The following PCMTD1 variants were observed in gnomAD, a reference collection of about 807,000 sequenced individuals.
PCMTD1 encodes protein-L-isoaspartate (D-aspartate) O-methyltransferase domain containing 1.
A neutral mutation model predicts 37.6 loss-of-function variants in PCMTD1; 12 were observed. The ratio of observed to expected loss-of-function variants is 0.32; its 90% confidence interval spans 0.20 to 0.52. The LOEUF (loss-of-function observed/expected upper bound fraction) is 0.52. Ranked by LOEUF, PCMTD1 falls within the 20% of genes least tolerant of loss-of-function variation. The pLI is 0.97. For synonymous variants in PCMTD1, 117 were observed against 135.8 expected, an observed-to-expected ratio of 0.86 and a Z score of 0.96; for missense variants, 235 against 421.3, an observed-to-expected ratio of 0.56 and a Z score of 3.87.
intron 5 of PCMTD1, among the ~76,000 whole-genome samples, chr8:51,826,532 T>C (rs778460846): frequency 2.0e-5 from 3 of 152,140 alleles, no homozygotes; most frequent in South Asian, 4.1e-4. Flanking sequence ...AAAAATAAAA[T>C]AAACTTTTAC....
At chr8:51,899,119 GAA>G, upstream of PCMTD1, 6 of 1,425,502 alleles carry the variant, frequency 4.2e-6, no homozygotes, top group Non-Finnish European at 5.5e-6. Flanking sequence ...CATGCGCAGA[GAA>G]CCACGGGCAC....
At chr8:51,866,418 A>AT (rs1472370515) in intron 1 of PCMTD1, among the ~76,000 whole-genome samples, 2 of 152,058 alleles carry the variant, frequency 1.3e-5, no homozygotes, top group African/African-American at 2.4e-5. Context: ...TGGTACTGAC[A>AT]TAAAAACAGA....
intron 1 of PCMTD1, among the ~76,000 whole-genome samples, chr8:51,884,638 G>A (rs1402108242): frequency 2.0e-5 from 3 of 152,182 alleles, no homozygotes; most frequent in African/African-American, 4.8e-5. Flanking sequence ...TTTGTTTCCC[G>A]GCCTGGTGCA....
intron 1 of PCMTD1, among the ~76,000 whole-genome samples, chr8:51,862,523 G>A (rs566479394): frequency 9.8e-5 from 15 of 152,340 alleles, no homozygotes; most frequent in African/African-American, 3.6e-4. Context: ...GTAAGTTAAT[G>A]TATCAATTCC....
Position 51,853,074 on chromosome 8 carries a change from T to G in PCMTD1, c.308-7311A>C, listed in dbSNP as rs117589056. On this transcript the variant is annotated intron_variant, in intron 2 of 5. Coordinates refer to ENST00000522514, the MANE Select transcript of PCMTD1 (RefSeq NM_052937.4). ...TGAATCCTTTGCATGTGGATGTTAC[T>G]TGAAGAAAGACGAAAGATTCACCCT... Among the ~76,000 whole-genome samples the G allele has an allele frequency of 2.2e-3, 337 of 152,342 alleles. 7 individuals carry two copies. The East Asian group carries it at 0.039, about 17-fold the overall frequency.
chr8:51,899,093 G>C (rs878921092), upstream of PCMTD1: 1 of 1,477,622 alleles, frequency 6.8e-7, no homozygotes, highest in South Asian at 1.3e-5. Context: ...GGACTCCGGA[G>C]CCGCCGGGGT....
chr8:51,851,892 C>T (rs1423258850), intron 2 of PCMTD1, among the ~76,000 whole-genome samples: 2 of 152,080 alleles, frequency 1.3e-5, no homozygotes, highest in East Asian at 1.9e-4. Context: ...TCAGGTGATC[C>T]GCCCGCCTCA....
chr8:51,859,391 G>A (rs1228523582), intron 2 of PCMTD1, among the ~76,000 whole-genome samples: 3 of 152,122 alleles, frequency 2.0e-5, no homozygotes, highest in Non-Finnish European at 4.4e-5. Flanking sequence ...CCTGTCTCAG[G>A]ACAGGGAGGA....
intron 4 of PCMTD1, among the ~76,000 whole-genome samples, chr8:51,832,542 A>G (rs2038012507): frequency 6.6e-6 from 1 of 152,192 alleles, no homozygotes; most frequent in Admixed American, 6.5e-5. Flanking sequence ...CTACTATACA[A>G]CTACAAGGTT....
chr8:51,899,077 C>T (rs2039058644), upstream of PCMTD1: 2 of 1,493,196 alleles, frequency 1.3e-6, no homozygotes, highest in Admixed American at 4.4e-5. Flanking sequence ...GCAGCCAGAG[C>T]CTCCCGGACT....
At chr8:51,874,623 T>TGTGA (rs56319323) in intron 1 of PCMTD1, among the ~76,000 whole-genome samples, 146,527 of 152,188 alleles carry the variant, frequency 0.96, 70,636 homozygotes, top group East Asian at 1. Context: ...AGCCAAACAG[T>TGTGA]GTAAAATTAC....
Position 51,892,407 on chromosome 8 carries a change from C to G in PCMTD1, c.-96+6523G>C, listed in dbSNP as rs1341602808. Among the ~76,000 whole-genome samples, 3 of 152,208 alleles carry G rather than the reference C, an allele frequency of 2.0e-5. No homozygotes were observed. The East Asian group carries it at 5.8e-4, about 29-fold the overall frequency. ...CACTACCATCCCAACTCTTCCAACT[C>G]GATTGTCAACTATGGCTTCTAGCAA... is the stretch of plus-strand genomic sequence containing the variant. On this transcript the variant is annotated intron_variant, in intron 1 of 5. Transcript: ENST00000522514.
At chr8:51,891,344 C>CT (rs1481537720) in intron 1 of PCMTD1, among the ~76,000 whole-genome samples, 1 of 152,044 alleles carries the variant, frequency 6.6e-6, no homozygotes, top group Non-Finnish European at 1.5e-5. Flanking sequence ...GAGCCCATGA[C>CT]TTTGAGACAA....
In PCMTD1 at chr8:51,867,522, T is replaced by C. The variant is rs181790460; in HGVS notation, c.-95-6276A>G. Among the ~76,000 whole-genome samples, 296 of 144,306 alleles carry C rather than the reference T, an allele frequency of 2.1e-3. 1 individual carries two copies. Among genetic ancestry groups the C allele is most frequent in the African/African-American group, 6.5e-3 (252 of 38,656 alleles). 94.7% of individuals were successfully genotyped at this position (144,306 alleles called of 152,430 possible). Reference sequence around the variant, plus strand: ...GTGTGTGTGTGTGTGTGTGTGTGTATAGGAATTTGAGAGAAAGAAGAAAAA... The same window carrying C: ...GTGTGTGTGTGTGTGTGTGTGTGTACAGGAATTTGAGAGAAAGAAGAAAAA... On this transcript the variant is annotated intron_variant, in intron 1 of 5. Transcript: ENST00000522514.
chr8:51,840,042 C>T (rs767849275), intron 3 of PCMTD1, among the ~76,000 whole-genome samples: 3 of 152,158 alleles, frequency 2.0e-5, no homozygotes, highest in Non-Finnish European at 2.9e-5. Context: ...TATTTAATTA[C>T]AATTTTTTGA....
chr8:51,828,064 A>G (rs904158610), intron 5 of PCMTD1, among the ~76,000 whole-genome samples: 12 of 152,312 alleles, frequency 7.9e-5, no homozygotes, highest in African/African-American at 2.6e-4. Context: ...GAAAACTATC[A>G]GATAAAAAAA....
At chr8:51,863,506 G>T (rs1017642386) in intron 1 of PCMTD1, among the ~76,000 whole-genome samples, 2 of 152,202 alleles carry the variant, frequency 1.3e-5, no homozygotes, top group African/African-American at 4.8e-5. Flanking sequence ...ACCCAGGCCA[G>T]GTGCAGTGGC....
intron 1 of PCMTD1, among the ~76,000 whole-genome samples, chr8:51,863,261 C>T (rs978684340): frequency 6.6e-6 from 1 of 152,170 alleles, no homozygotes; most frequent in Non-Finnish European, 1.5e-5. Flanking sequence ...AAATTATTCC[C>T]TTTGAGTGGG....
intron 1 of PCMTD1, among the ~76,000 whole-genome samples, chr8:51,873,199 C>A (rs2038662743): frequency 6.6e-6 from 1 of 152,058 alleles, no homozygotes. Flanking sequence ...AGGCAGGATG[C>A]AAAGTATTAC....
Sources: gnomAD v4.1 joint callset for allele counts (sites outside exome capture counted in the v4.1 genomes callset) on GRCh38, gnomAD v4.1.1 for gene constraint, MANE v1.5 for transcripts, NCBI Gene and HGNC (gene_info 2026-07-23, HGNC 2026-07-21) for gene names.